Variants in ESPL1 observed in about 807,000 individuals in gnomAD.
The protein encoded by ESPL1 is separin.
In ESPL1, 50 loss-of-function variants were observed where a neutral mutation model predicts 217.2. That is an observed-to-expected ratio of 0.23 (90% CI 0.18 to 0.29). The LOEUF (loss-of-function observed/expected upper bound fraction) is 0.29, where lower values mean the gene tolerates loss of function less well. Among genes scored for constraint, ESPL1 ranks in the 10% least tolerant of loss-of-function variants. ESPL1 has a pLI of 1.00. For synonymous variants in ESPL1, 994 were observed against 1,081.3 expected (o/e 0.92, Z 1.58); for missense variants, 1,834 against 2,603.0 (o/e 0.70, Z 6.43).
Position 53,276,853 on chromosome 12 carries a change from C to G in ESPL1, c.1934C>G (p.Thr645Ser). Residue 645 changes from threonine (T) to serine (S), a missense_variant, in exon 8 of 31, where the codon ACC (threonine) becomes AGC (serine). By Grantham distance (58) the Thr-to-Ser change is moderately conservative. This residue lies in a region of ESPL1 where 746 missense variants were observed against 1,077.0 expected (regional missense o/e 0.69). Transcript: ENST00000257934. Reference protein sequence around the residue: ...VLCYHDFTQQTNCSALDAIRE... With the variant: ...VLCYHDFTQQSNCSALDAIRE... ...TGCTACCACGACTTTACGCAGCAGA[C>G]CAACTGGTAAGGAGTAGTAGCTGCA... 1.2e-6 allele frequency: 2 copies of G among 1,613,662 alleles called. No individual in the cohort carries two copies. Among genetic ancestry groups the G allele is most frequent in the Non-Finnish European group, 1.7e-6 (2 of 1,179,932 alleles).
Position 53,293,530 on chromosome 12 carries a change from G to A in ESPL1, c.*56G>A. On this transcript the variant is annotated 3_prime_UTR_variant, in exon 31 of 31. Coordinates refer to ENST00000257934, the MANE Select transcript of ESPL1 (RefSeq NM_012291.5). This position sits in a 1 kb window ranked among gnomAD's most constrained non-coding sequence, Gnocchi z 4.2. Reference sequence around the variant, plus strand: ...GCCTCATAACTGTTCTACCTCCAAGGTTAGATTTAATCCTTAGGATAACTC... The same window carrying A: ...GCCTCATAACTGTTCTACCTCCAAGATTAGATTTAATCCTTAGGATAACTC... The A allele has an allele frequency of 7.6e-7, 1 of 1,318,926 alleles. No homozygotes were observed. The highest frequency in any genetic ancestry group is 1.7e-5 in the Admixed American group (1 of 57,760). The allele number at this position is 1,318,926 out of a possible 1,614,324, so 81.7% of individuals were successfully genotyped here. A position where few individuals can be genotyped will look rare whatever the true frequency, so the allele number is the denominator to read the frequency against.
At chr12:53,273,843 T>G (rs1298651373) in intron 6 of ESPL1, among the ~76,000 whole-genome samples, 6 of 101,654 alleles carry the variant, frequency 5.9e-5, no homozygotes, top group African/African-American at 1.2e-4. Flanking sequence ...TTGGTTTTTT[T>G]TTTTTTTTTT....
intron 17 of ESPL1, among the ~76,000 whole-genome samples, chr12:53,285,574 T>TG (rs1173776529): frequency 4.6e-5 from 7 of 151,716 alleles, no homozygotes; most frequent in Admixed American, 2.0e-4. Flanking sequence ...CCGGGCGTGG[T>TG]GGTGGGCGCC....
chr12:53,271,806 G>T (rs566141538), intron 5 of ESPL1, among the ~76,000 whole-genome samples: 32 of 152,018 alleles, frequency 2.1e-4, no homozygotes, highest in African/African-American at 7.7e-4. Context: ...GCAAATATTT[G>T]TTGCCGGGCG....
intron 22 of ESPL1, 94 bp downstream of exon 22, chr12:53,289,688 A>C: frequency 9.6e-7 from 1 of 1,046,332 alleles, no homozygotes; most frequent in Non-Finnish European, 1.4e-6. Context: ...TGGTTAGTTT[A>C]CATAGATTTA....
rs763745780 is a variant in ESPL1 at position 53,288,751 on chromosome 12, G to A, written c.4708+52G>A. On this transcript the variant is annotated intron_variant, in intron 20 of 30. Coordinates refer to ENST00000257934, the MANE Select transcript of ESPL1 (RefSeq NM_012291.5). ...CACTTGGAGAGGGCTGAGCCTCTAG[G>A]GCTTTTGACCCCTCTGTCTTTCCAG... The A allele has an allele frequency of 6.6e-6, 10 of 1,511,146 alleles. No individual in the cohort carries two copies. In the East Asian group the frequency reaches 2.0e-4, roughly 31 times the overall value. 93.6% of individuals were successfully genotyped at this position (1,511,146 alleles called of 1,614,324 possible). A position where few individuals can be genotyped will look rare whatever the true frequency, so the allele number is the denominator to read the frequency against.
intron 6 of ESPL1, among the ~76,000 whole-genome samples, chr12:53,273,872 C>CT: frequency 1.5e-5 from 1 of 65,932 alleles, no homozygotes; most frequent in Non-Finnish European, 2.5e-5. Flanking sequence ...TTTTTGGAGA[C>CT]TGAGTCTTGC....
intron 22 of ESPL1, 52 bp from the exon 23 acceptor site, chr12:53,290,033 G>A (rs544887707): frequency 1.2e-5 from 19 of 1,589,120 alleles, no homozygotes; most frequent in Middle Eastern, 2.3e-4. Flanking sequence ...CCAAGACAGG[G>A]AAGGGAATTC....
At chr12:53,279,381 T>A (rs1943824337) in intron 11 of ESPL1, among the ~76,000 whole-genome samples, 1 of 152,246 alleles carries the variant, frequency 6.6e-6, no homozygotes, top group Non-Finnish European at 1.5e-5. Flanking sequence ...TTCTGCCACA[T>A]ACCTGTTATA....
intron 1 of ESPL1, 145 bp downstream of exon 1, chr12:53,268,522 G>A: frequency 2.0e-6 from 1 of 510,820 alleles, no homozygotes; most frequent in Non-Finnish European, 3.5e-6. Context: ...GGGCTGGGCC[G>A]AGGCCTCTGG....
chr12:53,285,639 G>A (rs1943935452), intron 17 of ESPL1, among the ~76,000 whole-genome samples: 1 of 151,812 alleles, frequency 6.6e-6, no homozygotes, highest in Non-Finnish European at 1.5e-5. Flanking sequence ...AACCCGGGAG[G>A]CGGAGCTTGC....
chr12:53,293,451 G>A lies in ESPL1; in HGVS notation c.6340G>A (p.Gly2114Ser), dbSNP rs1944097910. The A allele has an allele frequency of 6.2e-7, 1 of 1,613,960 alleles. No homozygotes were observed. The highest frequency in any genetic ancestry group is 1.7e-5 in the Admixed American group (1 of 59,990). Residue 2114 changes from glycine (G) to serine (S), a missense_variant, in exon 31 of 31, where the codon GGC becomes AGC. Physicochemically the swap from Gly to Ser is moderately conservative, Grantham distance 56. This residue lies in a region of ESPL1 where 295 missense variants were observed against 519.8 expected (regional missense o/e 0.57). Transcript: ENST00000257934. This position sits in a 1 kb window ranked among gnomAD's most constrained non-coding sequence, Gnocchi z 4.2. ...TATTGGGGCTGCACCTATAGCCTAT[G>A]GCTTGCCTGTCTCTCTGCGGTAACC... ...YLIGAAPIAYGLPVSLR is the reference protein window; with the variant it reads ...YLIGAAPIAYSLPVSLR
intron 25 of ESPL1, 105 bp downstream of exon 25, chr12:53,291,101 G>A (rs1022507444): frequency 9.3e-6 from 9 of 970,136 alleles, no homozygotes; most frequent in South Asian, 3.8e-5. Context: ...TCAGGAGCTC[G>A]AGACCAGCCT....
intron 6 of ESPL1, among the ~76,000 whole-genome samples, chr12:53,273,806 A>G (rs1408887211): frequency 1.4e-5 from 2 of 139,370 alleles, no homozygotes; most frequent in African/African-American, 2.7e-5. Context: ...TTGAGCAAGG[A>G]GAGTGAGAAC....
chr12:53,270,489 T>C lies in ESPL1; in HGVS notation c.1248+7T>C, dbSNP rs1943649211. 1.2e-6 allele frequency: 2 copies of C among 1,606,998 alleles called. No individual in the cohort carries two copies. Among genetic ancestry groups the C allele is most frequent in the East Asian group, 4.5e-5 (2 of 44,866 alleles). On this transcript the variant is annotated splice_region_variant and intron_variant, in intron 4 of 30. Coordinates refer to ENST00000257934, the MANE Select transcript of ESPL1 (RefSeq NM_012291.5). Reference sequence around the variant, plus strand: ...CTTTGCCCAAGGCTGTCAGGTACTGTCTGGGAATCAAGGTACCTGGACTAG... The same window carrying C: ...CTTTGCCCAAGGCTGTCAGGTACTGCCTGGGAATCAAGGTACCTGGACTAG...
intron 6 of ESPL1, among the ~76,000 whole-genome samples, chr12:53,273,826 TGGTTTTTTG>T: frequency 6.9e-6 from 1 of 145,606 alleles, no homozygotes; most frequent in African/African-American, 2.5e-5. Context: ...CCTGGGTTCT[TGGTTTTTTG>T]GTTTTTTTTT....
Position 53,269,900 on chromosome 12 carries a change from G to A in ESPL1, c.958G>A (p.Ala320Thr). Residue 320 changes from alanine (A) to threonine (T), a missense_variant, in exon 3 of 31, where the codon GCT becomes ACT. This residue lies in a region of ESPL1 where 746 missense variants were observed against 1,077.0 expected (regional missense o/e 0.69). Coordinates refer to ENST00000257934, the MANE Select transcript of ESPL1 (RefSeq NM_012291.5). The surrounding 1 kb of genome is among the most constrained non-coding windows in gnomAD (Gnocchi z 6.7). ...GGCCAAGCTTCTGATCAAGGCATCA[G>A]CTGTCCTGAGCAAGAGTATGGAGGC... ...AVAKLLIKAS[A>T]VLSKSMEAPS... 6.2e-7 allele frequency: 1 copy of A among 1,614,236 alleles called. No individual in the cohort carries two copies. Among genetic ancestry groups the A allele is most frequent in the South Asian group, 1.1e-5 (1 of 91,088 alleles).
At chr12:53,283,107 T>C (rs1943891111) in intron 14 of ESPL1, 22 bp from the exon 15 acceptor site, 1 of 1,610,166 alleles carries the variant, frequency 6.2e-7, no homozygotes, top group South Asian at 1.1e-5. Flanking sequence ...ATCTTCTCCC[T>C]TTTTCACCCC....
chr12:53,283,363 C>T lies in ESPL1; in HGVS notation c.2921-19C>T. 5.6e-6 allele frequency: 9 copies of T among 1,613,740 alleles called. No individual in the cohort carries two copies. Among genetic ancestry groups the T allele is most frequent in the Non-Finnish European group, 6.8e-6 (8 of 1,179,736 alleles). ...CACACTGTGGCTGAGTGATGGTGGTCTTGTCTCTTTTGCTACAGGTGAAAA... is the reference window on the plus strand; with the variant it reads ...CACACTGTGGCTGAGTGATGGTGGTTTTGTCTCTTTTGCTACAGGTGAAAA... On this transcript the variant is annotated intron_variant, in intron 15 of 30. Transcript: ENST00000257934.
Sources: gnomAD v4.1 joint callset for allele counts (sites outside exome capture counted in the v4.1 genomes callset) on GRCh38, gnomAD v4.1.1 for gene constraint, gnomAD v4.1.1 regional missense constraint, Gnocchi (gnomAD v3.1) non-coding constraint, MANE v1.5 for transcripts, NCBI Gene and HGNC (gene_info 2026-07-23, HGNC 2026-07-21) for gene names.